MIXL1: variants seen among roughly 807,000 people sequenced by gnomAD.
MIXL1 encodes homeobox protein MIXL1.
A neutral mutation model predicts 9.3 loss-of-function variants in MIXL1; 9 were observed. That is an observed-to-expected ratio of 0.97 (90% confidence interval 0.58 to 1.69). MIXL1 has a LOEUF of 1.69. Among genes scored for constraint, MIXL1 ranks in the 40% most tolerant of loss-of-function variants. MIXL1 has a pLI of 0.00. For synonymous variants in MIXL1, 164 were observed against 155.6 expected, an observed-to-expected ratio of 1.05 and a Z score of -0.40; for missense variants, 330 against 331.7, an observed-to-expected ratio of 0.99 and a Z score of 0.04.
rs1412288741 is a variant in MIXL1, at chr1:226,227,057, C to G, written c.*1245C>G. 1 of 152,156 alleles carries G rather than the reference C, an allele frequency of 6.6e-6. No individual in the cohort carries two copies. Among genetic ancestry groups the G allele is most frequent in the Non-Finnish European group, 1.5e-5 (1 of 68,036 alleles). 9.4% of individuals were successfully genotyped at this position (152,156 alleles called of 1,614,324 possible). A position where few individuals can be genotyped will look rare whatever the true frequency, so the allele number is the denominator to read the frequency against. On this transcript the variant is annotated 3_prime_UTR_variant, in exon 2 of 2. Coordinates refer to ENST00000366810, the MANE Select transcript of MIXL1 (RefSeq NM_031944.3). ...TTATTAAATGTCTTTCACAAATGTT[C>G]CAATGTAATTTCTATTTAAATGAAT... is the stretch of plus-strand genomic sequence containing the variant.
Position 226,225,760 on chromosome 1 carries a change from CAAAGCTGGA to C in MIXL1, c.648_656del (p.Lys217_Asp219del). ...TCCCCTCTCTCTGAAGACATTGGTT[CAAAGCTGGA>C]CTCATGGGAGGAACACATCTTTTCT... On this transcript the variant is annotated inframe_deletion, in exon 2 of 2. Transcript: ENST00000366810. 1 of 1,614,126 alleles carries C rather than the reference CAAAGCTGGA, an allele frequency of 6.2e-7. No homozygotes were observed. Among genetic ancestry groups the C allele is most frequent in the Middle Eastern group, 1.6e-4 (1 of 6,062 alleles).
At position 226,226,918 on chromosome 1, in the gene MIXL1, C is replaced by T. The variant is rs1043976000; in HGVS notation, c.*1106C>T. Reference sequence around the variant, plus strand: ...TTCAAAACACTCGAGGACTCCCCACCTGCCTTCTGAAGTCTGAAATTTTCT... The same window carrying T: ...TTCAAAACACTCGAGGACTCCCCACTTGCCTTCTGAAGTCTGAAATTTTCT... On this transcript the variant is annotated 3_prime_UTR_variant, in exon 2 of 2. Coordinates refer to ENST00000366810, the MANE Select transcript of MIXL1 (RefSeq NM_031944.3). The T allele has an allele frequency of 6.6e-6, 1 of 152,206 alleles. No homozygotes were observed. The highest frequency in any genetic ancestry group is 2.4e-5 in the African/African-American group (1 of 41,440). 9.4% of individuals were successfully genotyped at this position (152,206 alleles called of 1,614,324 possible). A position where few individuals can be genotyped will look rare whatever the true frequency, so the allele number is the denominator to read the frequency against.
intron 1 of MIXL1, 143 bp from the exon 2 acceptor site, chr1:226,225,359 ATCGTC>A: frequency 1.2e-6 from 1 of 804,228 alleles, no homozygotes; most frequent in Non-Finnish European, 1.9e-6. Flanking sequence ...TGAACTTCTA[ATCGTC>A]AACCCAAGTG....
rs1657148431 is a variant in MIXL1, at chr1:226,225,837, G to A, written c.*25G>A. ...AGGATTCTGGGAGAATTCGGGATAAGCTCTGAGGAGCCATGACTGACAGCC... is the reference window on the plus strand; with the variant it reads ...AGGATTCTGGGAGAATTCGGGATAAACTCTGAGGAGCCATGACTGACAGCC... On this transcript the variant is annotated 3_prime_UTR_variant, in exon 2 of 2. Coordinates refer to ENST00000366810, the MANE Select transcript of MIXL1 (RefSeq NM_031944.3). 1 of 1,569,796 alleles carries A rather than the reference G, an allele frequency of 6.4e-7. No individual in the cohort carries two copies. Among genetic ancestry groups the A allele is most frequent in the Non-Finnish European group, 8.7e-7 (1 of 1,151,730 alleles).
In MIXL1 at chr1:226,226,413, C is replaced by T. The variant is rs1448368402; in HGVS notation, c.*601C>T. On this transcript the variant is annotated 3_prime_UTR_variant, in exon 2 of 2. Coordinates refer to ENST00000366810, the MANE Select transcript of MIXL1 (RefSeq NM_031944.3). The stretch of plus-strand genomic sequence containing the variant: ...ACCCTCTGTGGGCCAGGTGCAGTGG[C>T]TCACTCCTGCAATCTCAGCACTTTG... 6.6e-6 allele frequency: 1 copy of T among 152,326 alleles called. No individual in the cohort carries two copies. Among genetic ancestry groups the T allele is most frequent in the Non-Finnish European group, 1.5e-5 (1 of 68,212 alleles). The allele number at this position is 152,326 out of a possible 1,614,324, so 9.4% of individuals were successfully genotyped here.
At position 226,226,078 on chromosome 1, in the gene MIXL1, C is replaced by T; in HGVS notation, c.*266C>T. On this transcript the variant is annotated 3_prime_UTR_variant, in exon 2 of 2. Coordinates refer to ENST00000366810, the MANE Select transcript of MIXL1 (RefSeq NM_031944.3). ...CTGCACATTCCATTGGTCTGCATCC[C>T]TATGCCTTCTTGCCAGGCCTGTTTT... 2.8e-6 allele frequency: 1 copy of T among 360,140 alleles called. No individual in the cohort carries two copies. The highest frequency in any genetic ancestry group is 5.0e-6 in the Non-Finnish European group (1 of 198,222). The allele number at this position is 360,140 out of a possible 1,614,324, so 22.3% of individuals were successfully genotyped here. A position where few individuals can be genotyped will look rare whatever the true frequency, so the allele number is the denominator to read the frequency against.
chr1:226,225,617 G>T lies in MIXL1; in HGVS notation c.504G>T (p.Thr168=), dbSNP rs1657139982. ...ACCACTGTGCTCCTGGAACTGAAAC[G>T]AAATGTCTGAAGCCCCAGCTGCCTC... is the stretch of plus-strand genomic sequence containing the variant. The part of the protein sequence containing the change: ...ILNHCAPGTE[T]KCLKPQLPLE... The change falls in exon 2 of 2, where the codon ACG becomes ACT. Residue 168 remains threonine, a synonymous_variant. Transcript: ENST00000366810. 1.9e-6 allele frequency: 3 copies of T among 1,614,170 alleles called. No individual in the cohort carries two copies. Among genetic ancestry groups the T allele is most frequent in the Non-Finnish European group, 2.5e-6 (3 of 1,180,034 alleles).
chr1:226,224,788 A>T (rs1349614465), intron 1 of MIXL1, among the ~76,000 whole-genome samples: 1 of 152,174 alleles, frequency 6.6e-6, no homozygotes, highest in East Asian at 1.9e-4. Flanking sequence ...TACAGGCGCC[A>T]GCCACCACGC....
chr1:226,224,522 C>T (rs1657109675), intron 1 of MIXL1, among the ~76,000 whole-genome samples: 1 of 152,068 alleles, frequency 6.6e-6, no homozygotes, highest in Non-Finnish European at 1.5e-5. Flanking sequence ...ACTTTCTTGG[C>T]AAGTGTTACG....
At chr1:226,224,185 T>A in intron 1 of MIXL1, 111 bp downstream of exon 1, 1 of 1,026,250 alleles carries the variant, frequency 9.7e-7, no homozygotes, top group Non-Finnish European at 1.2e-6. Flanking sequence ...GCACGGTGCT[T>A]CCCCTGAGGC....
Position 226,225,854 on chromosome 1 carries a change from C to CT in MIXL1, c.*43dup, listed in dbSNP as rs977171094. ...CGGGATAAGCTCTGAGGAGCCATGA[C>CT]TGACAGCCTGGGAGAGACACATCAG... On this transcript the variant is annotated 3_prime_UTR_variant, in exon 2 of 2. Transcript: ENST00000366810. 6.6e-7 allele frequency: 1 copy of CT among 1,504,568 alleles called. No individual in the cohort carries two copies. 93.2% of individuals were successfully genotyped at this position (1,504,568 alleles called of 1,614,324 possible). A position where few individuals can be genotyped will look rare whatever the true frequency, so the allele number is the denominator to read the frequency against.
chr1:226,224,725 C>T (rs1657116537), intron 1 of MIXL1, among the ~76,000 whole-genome samples: 1 of 152,120 alleles, frequency 6.6e-6, no homozygotes, highest in Admixed American at 6.6e-5. Context: ...CTGCAACCTC[C>T]GCCTCCCAGG....
At chr1:226,224,821 G>C (rs1421352661) in intron 1 of MIXL1, among the ~76,000 whole-genome samples, 4 of 152,146 alleles carry the variant, frequency 2.6e-5, no homozygotes, top group Non-Finnish European at 5.9e-5. Context: ...TGTATTTTTA[G>C]TAGAGACGGG....
At position 226,223,839 on chromosome 1, in the gene MIXL1, C is replaced by T. The variant is rs1483082205; in HGVS notation, c.158C>T (p.Ala53Val). 8 of 1,200,004 alleles carry T rather than the reference C, an allele frequency of 6.7e-6. No homozygotes were observed. Among genetic ancestry groups the T allele is most frequent in the South Asian group, 7.7e-5 (2 of 26,010 alleles). The allele number at this position is 1,200,004 out of a possible 1,614,324, so 74.3% of individuals were successfully genotyped here. ...GCGGGCCCCGGCCCAGCGACCTTTGCGGGCTTCCTCGGCCGGGACCCCGGG... is the reference window on the plus strand; with the variant it reads ...GCGGGCCCCGGCCCAGCGACCTTTGTGGGCTTCCTCGGCCGGGACCCCGGG... ...PPAGPGPATF[A>V]GFLGRDPGPA... The change falls in exon 1 of 2, where the codon GCG (alanine) becomes GTG (valine). Residue 53 changes from alanine to valine, a missense_variant. Ala to Val is a moderately conservative substitution (Grantham distance 64, BLOSUM62 0). Transcript: ENST00000366810.
At position 226,223,751 on chromosome 1, in the gene MIXL1, C is replaced by G. The variant is rs773823758; in HGVS notation, c.70C>G (p.His24Asp). 2.2e-5 allele frequency: 31 copies of G among 1,432,618 alleles called. No homozygotes were observed. Among genetic ancestry groups the G allele is most frequent in the East Asian group, 9.2e-5 (3 of 32,568 alleles). 88.7% of individuals were successfully genotyped at this position (1,432,618 alleles called of 1,614,324 possible). A position where few individuals can be genotyped will look rare whatever the true frequency, so the allele number is the denominator to read the frequency against. Residue 24 changes from histidine to aspartate, a missense_variant, in exon 1 of 2, where the codon CAC becomes GAC. By Grantham distance (81) the His-to-Asp change is moderately conservative. Coordinates refer to ENST00000366810, the MANE Select transcript of MIXL1 (RefSeq NM_031944.3). ...GAAFPAYRAP[H>D]AGGALLPPPS... ...CGCGTTTCCAGCGTACCGGGCCCCCCACGCCGGCGGGGCGCTCCTGCCGCC... is the reference window on the plus strand; with the variant it reads ...CGCGTTTCCAGCGTACCGGGCCCCCGACGCCGGCGGGGCGCTCCTGCCGCC...
At chr1:226,224,095 C>G in intron 1 of MIXL1, 21 bp downstream of exon 1, 7 of 1,286,936 alleles carry the variant, frequency 5.4e-6, no homozygotes, top group Admixed American at 3.3e-5. Flanking sequence ...GCTGCGTTCG[C>G]AAGTGCGCGC....
At position 226,225,687 on chromosome 1, in the gene MIXL1, G is replaced by A. The variant is rs368040108; in HGVS notation, c.574G>A (p.Gly192Arg). ...NCLPEPNGVG[G>R]GISDSSSQGQ... ...CCTGCCCGAACCAAACGGGGTTGGAGGGGGCATCTCTGACTCTAGCTCCCA... is the reference window on the plus strand; with the variant it reads ...CCTGCCCGAACCAAACGGGGTTGGAAGGGGCATCTCTGACTCTAGCTCCCA... The change falls in exon 2 of 2, where the codon GGG (glycine) becomes AGG (arginine). Residue 192 changes from glycine to arginine, a missense_variant. By Grantham distance (125) the Gly-to-Arg change is moderately radical. Coordinates refer to ENST00000366810, the MANE Select transcript of MIXL1 (RefSeq NM_031944.3). 5.0e-6 allele frequency: 8 copies of A among 1,614,060 alleles called. No homozygotes were observed. Among genetic ancestry groups the A allele is most frequent in the Non-Finnish European group, 6.8e-6 (8 of 1,180,036 alleles).
intron 1 of MIXL1, among the ~76,000 whole-genome samples, chr1:226,224,781 A>G (rs1217773653): frequency 1.3e-5 from 2 of 152,128 alleles, no homozygotes; most frequent in African/African-American, 4.8e-5. Context: ...CTGAGATTAC[A>G]GGCGCCAGCC....
Position 226,223,686 on chromosome 1 carries a change from C to T in MIXL1, c.5C>T (p.Ala2Val). M[A>V]TAESRALQFA... ...GGCGCGCTGGGTTCCGGAGCGATGG[C>T]CACAGCCGAGTCCCGTGCGCTCCAG... Residue 2 changes from alanine to valine, a missense_variant, in exon 1 of 2, where the codon GCC becomes GTC. Physicochemically the swap from Ala to Val is moderately conservative, Grantham distance 64. Transcript: ENST00000366810. 1 of 1,449,666 alleles carries T rather than the reference C, an allele frequency of 6.9e-7. No homozygotes were observed. The highest frequency in any genetic ancestry group is 9.0e-7 in the Non-Finnish European group (1 of 1,107,072). 89.8% of individuals were successfully genotyped at this position (1,449,666 alleles called of 1,614,324 possible).
Sources: allele counts gnomAD v4.1 joint callset (sites outside exome capture counted in the v4.1 genomes callset), GRCh38; gene constraint gnomAD v4.1.1; transcripts MANE v1.5; gene names NCBI Gene and HGNC (gene_info 2026-07-23, HGNC 2026-07-21).